ZNRF1: variants seen among roughly 807,000 people sequenced by gnomAD.
The protein encoded by ZNRF1 is E3 ubiquitin-protein ligase ZNRF1.
A neutral mutation model predicts 18.4 loss-of-function variants in ZNRF1; 3 were observed. The observed-to-expected ratio is 0.16, with a 90% CI of 0.07 to 0.42. The LOEUF is 0.42. Among genes scored for constraint, ZNRF1 ranks in the 10% least tolerant of loss-of-function variants. The pLI is 0.99. For synonymous variants in ZNRF1, 157 were observed against 144.2 expected (o/e 1.09, Z -0.64); for missense variants, 310 against 329.8 (o/e 0.94, Z 0.47).
chr16:75,085,802 G>GAGAGAGAGAGAGAGAGAGAGAGAGAT (rs1485476783), intron 1 of ZNRF1, among the ~76,000 whole-genome samples: 44 of 147,030 alleles, frequency 3.0e-4, no homozygotes, highest in Non-Finnish European at 5.6e-4. Context: ...GAGAGAGAGA[G>GAGAGAGAGAGAGAGAGAGAGAGAGAT]AGAGAGAGAG....
intron 1 of ZNRF1, among the ~76,000 whole-genome samples, chr16:75,059,091 A>G (rs545844541): frequency 7.2e-5 from 11 of 152,250 alleles, no homozygotes; most frequent in African/African-American, 2.4e-4. Flanking sequence ...GGAACTGCCA[A>G]CCATCCGGAC....
Position 75,110,248 on chromosome 16 carries a change from CTG to C in ZNRF1, c.*2552_*2553del, listed in dbSNP as rs1240165887. On this transcript the variant is annotated 3_prime_UTR_variant, in exon 5 of 5. Coordinates refer to ENST00000335325, the MANE Select transcript of ZNRF1 (RefSeq NM_032268.5). ...GTTGTGGGGGTGGGATTGGGGCTGT[CTG>C]TGTTTCCCAGGTGGAGCTCATGTTT... 6.6e-6 allele frequency: 1 copy of C among 152,402 alleles called. No individual in the cohort carries two copies. Among genetic ancestry groups the C allele is most frequent in the African/African-American group, 2.4e-5 (1 of 41,476 alleles). The allele number at this position is 152,402 out of a possible 1,614,324, so 9.4% of individuals were successfully genotyped here.
At chr16:75,102,868 C>T (rs1283779390) in intron 2 of ZNRF1, among the ~76,000 whole-genome samples, 1 of 152,220 alleles carries the variant, frequency 6.6e-6, no homozygotes, top group Non-Finnish European at 1.5e-5. Flanking sequence ...CCGCTGCCCT[C>T]ATCCGCACAC....
intron 1 of ZNRF1, among the ~76,000 whole-genome samples, chr16:75,082,354 G>A (rs80213544): frequency 0.04 from 6,051 of 152,276 alleles, 169 homozygotes; most frequent in Middle Eastern, 0.075. Flanking sequence ...TCCTGTTCCT[G>A]GTAGATGCTT....
At chr16:75,084,817 C>T (rs1042090880) in intron 1 of ZNRF1, among the ~76,000 whole-genome samples, 1 of 152,196 alleles carries the variant, frequency 6.6e-6, no homozygotes, top group African/African-American at 2.4e-5. Context: ...CACCCACCCA[C>T]TCTACTTGGC....
intron 1 of ZNRF1, among the ~76,000 whole-genome samples, chr16:75,016,731 G>T (rs1293625164): frequency 7.5e-6 from 1 of 132,464 alleles, no homozygotes; most frequent in Non-Finnish European, 1.6e-5. Flanking sequence ...TATGAGTAGA[G>T]ATGGGGTTTC....
intron 1 of ZNRF1, among the ~76,000 whole-genome samples, chr16:75,003,837 C>CA (rs2034884266): frequency 6.6e-6 from 1 of 152,194 alleles, no homozygotes; most frequent in African/African-American, 2.4e-5. Flanking sequence ...GCTTACCTCT[C>CA]AGAGTCATAG....
chr16:75,007,444 A>C (rs994563147), intron 1 of ZNRF1, among the ~76,000 whole-genome samples: 1 of 152,194 alleles, frequency 6.6e-6, no homozygotes, highest in Admixed American at 6.5e-5. Context: ...TTAGTCTTGA[A>C]CACACAGCTT....
At chr16:75,028,627 A>G (rs2035256741) in intron 1 of ZNRF1, among the ~76,000 whole-genome samples, 1 of 152,232 alleles carries the variant, frequency 6.6e-6, no homozygotes, top group South Asian at 2.1e-4. Flanking sequence ...AAAGTTCTCA[A>G]GAATTCTCTT....
At chr16:75,028,590 C>A (rs1418872609) in intron 1 of ZNRF1, among the ~76,000 whole-genome samples, 1 of 152,214 alleles carries the variant, frequency 6.6e-6, no homozygotes, top group African/African-American at 2.4e-5. Context: ...CCTCTGTGCC[C>A]GGCCCCTGCT....
At chr16:75,010,585 A>G (rs1229356418) in intron 1 of ZNRF1, among the ~76,000 whole-genome samples, 1 of 152,068 alleles carries the variant, frequency 6.6e-6, no homozygotes, top group Non-Finnish European at 1.5e-5. Flanking sequence ...GGTGAATCAG[A>G]CTTGTCATAG....
intron 2 of ZNRF1, among the ~76,000 whole-genome samples, chr16:75,101,108 T>C (rs772225844): frequency 6.6e-6 from 1 of 152,090 alleles, no homozygotes; most frequent in African/African-American, 2.4e-5. Flanking sequence ...TAACTTTTGG[T>C]TTTTTAATAG....
chr16:75,031,215 T>A (rs2035298754), intron 1 of ZNRF1, among the ~76,000 whole-genome samples: 1 of 151,528 alleles, frequency 6.6e-6, no homozygotes, highest in Non-Finnish European at 1.5e-5. Flanking sequence ...CTCCGCAATC[T>A]CCGCCTCCTG....
At position 75,055,434 on chromosome 16, in the gene ZNRF1, T is replaced by C. The variant is rs529187504; in HGVS notation, c.425-38138T>C. On this transcript the variant is annotated intron_variant, in intron 1 of 4. Transcript: ENST00000335325. ...GCAGCAGAACCAGTGCCCTAAGTTA[T>C]TGGATGTCTTTGTTGTGAAGAACTT... Among the ~76,000 whole-genome samples, 9 of 152,310 alleles carry C rather than the reference T, an allele frequency of 5.9e-5. No homozygotes were observed. The South Asian group carries it at 1.0e-3, about 18-fold the overall frequency.
intron 1 of ZNRF1, among the ~76,000 whole-genome samples, chr16:75,052,535 T>C (rs929333329): frequency 6.6e-6 from 1 of 152,154 alleles, no homozygotes; most frequent in Non-Finnish European, 1.5e-5. Flanking sequence ...CACTACCCTT[T>C]TAAATAAAGA....
chr16:75,098,185 G>A (rs879616946), intron 2 of ZNRF1, among the ~76,000 whole-genome samples: 20 of 152,236 alleles, frequency 1.3e-4, no homozygotes, highest in Non-Finnish European at 2.5e-4. Context: ...GTTGCTGACC[G>A]GCTGCACTGA....
At chr16:75,090,615 G>A (rs1039340595) in intron 1 of ZNRF1, among the ~76,000 whole-genome samples, 1 of 152,164 alleles carries the variant, frequency 6.6e-6, no homozygotes, top group African/African-American at 2.4e-5. Context: ...GATTGGTAGC[G>A]TTTCCAAGAC....
At chr16:75,060,940 A>G (rs2035736561) in intron 1 of ZNRF1, among the ~76,000 whole-genome samples, 1 of 152,216 alleles carries the variant, frequency 6.6e-6, no homozygotes, top group Non-Finnish European at 1.5e-5. Context: ...AAGGCTGTGC[A>G]GTGGTGACTC....
chr16:75,008,596 T>C (rs1489457509), intron 1 of ZNRF1, among the ~76,000 whole-genome samples: 2 of 152,214 alleles, frequency 1.3e-5, no homozygotes, highest in African/African-American at 4.8e-5. Flanking sequence ...TTTTTTTCTT[T>C]GTGTGTGATG....
Sources: allele counts gnomAD v4.1 joint callset (sites outside exome capture counted in the v4.1 genomes callset), GRCh38; gene constraint gnomAD v4.1.1; transcripts MANE v1.5; gene names NCBI Gene and HGNC (gene_info 2026-07-23, HGNC 2026-07-21).